Variants in CBX1 observed in about 807,000 individuals in gnomAD.
CBX1 encodes chromobox protein homolog 1.
In CBX1, 10 loss-of-function variants were observed where a neutral mutation model predicts 25.1. That is an observed-to-expected ratio of 0.40 (90% CI 0.25 to 0.68). The LOEUF is 0.68. Among genes scored for constraint, CBX1 ranks in the 30% least tolerant of loss-of-function variants. The pLI, the probability that CBX1 is intolerant of heterozygous loss-of-function variation, is 0.40. For missense variants in CBX1, 106 were observed against 218.5 expected (o/e 0.49, Z 3.25); for synonymous variants, 63 against 79.4 (o/e 0.79, Z 1.10).
intron 1 of CBX1, chr17:48,088,182 G>A (rs139642885): frequency 6.7e-6 from 1 of 149,778 alleles, no homozygotes; most frequent in African/African-American, 2.5e-5. Context: ...GTGGTGGCAG[G>A]CGCCTGTAAT....
chr17:48,082,971 A>T (rs918923963), intron 1 of CBX1, among the ~76,000 whole-genome samples: 1 of 147,054 alleles, frequency 6.8e-6, no homozygotes, highest in Non-Finnish European at 1.5e-5. Context: ...GGTTCAAGCG[A>T]TTCTCCTGCC....
At chr17:48,087,307 T>C (rs1012890664) in intron 1 of CBX1, among the ~76,000 whole-genome samples, 25 of 152,046 alleles carry the variant, frequency 1.6e-4, no homozygotes, top group Admixed American at 9.2e-4. Context: ...CTGGGTGTGA[T>C]AGCTCACGCC....
At chr17:48,080,084 C>A (rs1355037970) in intron 1 of CBX1, among the ~76,000 whole-genome samples, 1 of 152,060 alleles carries the variant, frequency 6.6e-6, no homozygotes, top group Non-Finnish European at 1.5e-5. Flanking sequence ...CCTCTGTCGC[C>A]CAGGCTGCAG....
intron 3 of CBX1, among the ~76,000 whole-genome samples, chr17:48,075,344 GCCA>G (rs1052986272): frequency 7.8e-5 from 11 of 140,502 alleles, no homozygotes; most frequent in African/African-American, 3.2e-4. Context: ...ACAGGCACAT[GCCA>G]CCACGTCAGC....
chr17:48,076,808 C>T, intron 2 of CBX1, 57 bp downstream of exon 2: 1 of 1,538,904 alleles, frequency 6.5e-7, no homozygotes. Context: ...TCTCATACAT[C>T]TCTAGACTCC....
intron 4 of CBX1, among the ~76,000 whole-genome samples, chr17:48,071,914 G>A (rs2037628078): frequency 6.6e-6 from 1 of 151,946 alleles, no homozygotes; most frequent in South Asian, 2.1e-4. Context: ...ATTCTCTGAG[G>A]GAAGAGAAGT....
At chr17:48,080,741 C>T (rs1159816758) in intron 1 of CBX1, among the ~76,000 whole-genome samples, 15 of 149,862 alleles carry the variant, frequency 1.0e-4, no homozygotes, top group South Asian at 2.1e-4. Flanking sequence ...GCCAATATGG[C>T]GAAACCCCAT....
intron 1 of CBX1, among the ~76,000 whole-genome samples, chr17:48,095,372 C>G (rs2063368480): frequency 6.6e-6 from 1 of 151,900 alleles, no homozygotes; most frequent in Non-Finnish European, 1.5e-5. Flanking sequence ...GGCAGATCTC[C>G]TGAGGTTGGG....
At chr17:48,100,850 CG>C in intron 1 of CBX1, 2 of 985,734 alleles carry the variant, frequency 2.0e-6, no homozygotes, top group Non-Finnish European at 2.4e-6. Flanking sequence ...CCGGACCCGG[CG>C]TCTTCCGAAT....
intron 1 of CBX1, among the ~76,000 whole-genome samples, chr17:48,092,931 G>A (rs931828036): frequency 1.3e-5 from 2 of 151,918 alleles, no homozygotes; most frequent in African/African-American, 2.4e-5. Flanking sequence ...TGAGCCGGAC[G>A]TGGTGGCGCA....
intron 1 of CBX1, among the ~76,000 whole-genome samples, chr17:48,078,869 A>C (rs995827047): frequency 2.8e-5 from 4 of 140,682 alleles, no homozygotes; most frequent in Non-Finnish European, 4.5e-5. Flanking sequence ...GGCTCACTGC[A>C]ACCTCTGCCT....
chr17:48,073,824 C>CAAAAGAAAAAAAA (rs2037649112), intron 4 of CBX1, among the ~76,000 whole-genome samples: 1 of 82,500 alleles, frequency 1.2e-5, no homozygotes, highest in Non-Finnish European at 2.2e-5. Flanking sequence ...GAGACTGTCT[C>CAAAAGAAAAAAAA]AAAAAAAAAA....
At chr17:48,075,488 C>T (rs559616294) in intron 3 of CBX1, among the ~76,000 whole-genome samples, 5 of 152,234 alleles carry the variant, frequency 3.3e-5, no homozygotes, top group South Asian at 2.1e-4. Context: ...CCACCGTGCC[C>T]GGCCCAATCA....
chr17:48,092,209 CG>C (rs1223249920), intron 1 of CBX1, among the ~76,000 whole-genome samples: 3 of 151,648 alleles, frequency 2.0e-5, no homozygotes, highest in Non-Finnish European at 4.4e-5. Context: ...AGGCTGGTCT[CG>C]AACTCCTGAC....
At chr17:48,082,936 A>G (rs1017328145) in intron 1 of CBX1, among the ~76,000 whole-genome samples, 1 of 145,036 alleles carries the variant, frequency 6.9e-6, no homozygotes, top group Non-Finnish European at 1.5e-5. Flanking sequence ...ACGCGATCTC[A>G]GCTCACCACC....
intron 1 of CBX1, among the ~76,000 whole-genome samples, chr17:48,094,731 C>T: frequency 7.1e-6 from 1 of 141,384 alleles, no homozygotes; most frequent in Non-Finnish European, 1.5e-5. Flanking sequence ...AAGACTCTGT[C>T]TCAAAGGAAA....
intron 1 of CBX1, among the ~76,000 whole-genome samples, chr17:48,084,019 T>G (rs964997960): frequency 2.0e-5 from 3 of 149,896 alleles, no homozygotes. Flanking sequence ...AGACACAGGG[T>G]GTCGCTCTGT....
At chr17:48,076,564 A>C (rs2037676295) in intron 2 of CBX1, among the ~76,000 whole-genome samples, 1 of 152,134 alleles carries the variant, frequency 6.6e-6, no homozygotes, top group African/African-American at 2.4e-5. Context: ...CCAGCTACTT[A>C]GAAGGCTGAG....
chr17:48,082,029 C>T (rs12952163), intron 1 of CBX1, among the ~76,000 whole-genome samples: 41,367 of 151,816 alleles, frequency 0.27, 6,366 homozygotes, highest in African/African-American at 0.43. Context: ...GGCAGAAGGA[C>T]TGCTTGAGCC....
Sources: allele counts gnomAD v4.1 joint callset (sites outside exome capture counted in the v4.1 genomes callset), GRCh38; gene constraint gnomAD v4.1.1; transcripts MANE v1.5; gene names NCBI Gene and HGNC (gene_info 2026-07-23, HGNC 2026-07-21).